RRAS: variants seen among roughly 807,000 people sequenced by gnomAD.
RRAS encodes the protein ras-related protein R-Ras.
RRAS carries 18 observed loss-of-function variants against 23.3 expected under a neutral mutation model. That is an observed-to-expected ratio of 0.77 (90% confidence interval 0.53 to 1.15). RRAS has a LOEUF of 1.15. RRAS is among the 50% of genes most tolerant of loss of function. RRAS has a pLI of 0.00. For synonymous variants in RRAS, 133 were observed against 138.3 expected (o/e 0.96, Z 0.27); for missense variants, 291 against 317.1 (o/e 0.92, Z 0.62).
At position 49,636,513 on chromosome 19, in the gene RRAS, A is replaced by G. The variant is rs2080996722; in HGVS notation, c.453+106T>C. On this transcript the variant is annotated intron_variant, in intron 4 of 5. Transcript: ENST00000246792. The surrounding 1 kb of genome is among the most constrained non-coding windows in gnomAD (Gnocchi z 4.5). ...TCTAGGTGAGCTGTGTGACAGTGGC[A>G]GTCGCAGCACTGCAGGAACAGAGGA... The G allele has an allele frequency of 1.2e-6, 1 of 837,486 alleles. No homozygotes were observed. The highest frequency in any genetic ancestry group is 1.8e-5 in the Admixed American group (1 of 55,706). 51.9% of individuals were successfully genotyped at this position (837,486 alleles called of 1,614,324 possible).
Position 49,635,498 on chromosome 19 carries a change from A to G in RRAS, c.*78T>C. On this transcript the variant is annotated 3_prime_UTR_variant, in exon 6 of 6. Coordinates refer to ENST00000246792, the MANE Select transcript of RRAS (RefSeq NM_006270.5). The stretch of plus-strand genomic sequence containing the variant: ...CAGATGAGGAAATTGAGGCTCAGTG[A>G]GGGCCTCAGGTCACACAGCAAGGTG... 1.2e-6 allele frequency: 1 copy of G among 858,392 alleles called. No individual in the cohort carries two copies. The highest frequency in any genetic ancestry group is 1.7e-6 in the Non-Finnish European group (1 of 595,556). 53.2% of individuals were successfully genotyped at this position (858,392 alleles called of 1,614,324 possible). A position where few individuals can be genotyped will look rare whatever the true frequency, so the allele number is the denominator to read the frequency against.
At position 49,635,811 on chromosome 19, in the gene RRAS, G is replaced by A. The variant is rs765681955; in HGVS notation, c.495C>T (p.His165=). ...TGGCCGAGGCCTCAAAGTAGGCCAC[G>A]TGGTGGGAGGCGCCGAAGGCAGAGG... ...SEASAFGASH[H]VAYFEASAKL... The change falls in exon 5 of 6, where the codon CAC becomes CAT. Residue 165 remains histidine (H), a synonymous_variant. Coordinates refer to ENST00000246792, the MANE Select transcript of RRAS (RefSeq NM_006270.5). 56 of 1,600,554 alleles carry A rather than the reference G, an allele frequency of 3.5e-5. 1 individual carries two copies. The South Asian group carries it at 4.0e-4, about 11-fold the overall frequency.
rs1169331754 is a variant in RRAS, at chr19:49,635,589, C to CAGGG, written c.640_643dup (p.Cys215SerfsTer95). 2.1e-6 allele frequency: 3 copies of CAGGG among 1,443,364 alleles called. No individual in the cohort carries two copies. The highest frequency in any genetic ancestry group is 2.8e-6 in the Non-Finnish European group (3 of 1,089,824). The allele number at this position is 1,443,364 out of a possible 1,614,324, so 89.4% of individuals were successfully genotyped here. A position where few individuals can be genotyped will look rare whatever the true frequency, so the allele number is the denominator to read the frequency against. On this transcript the variant is annotated frameshift_variant, in exon 6 of 6. Coordinates refer to ENST00000246792, the MANE Select transcript of RRAS (RefSeq NM_006270.5). LOFTEE classifies it high-confidence loss of function. The stretch of plus-strand genomic sequence containing the variant: ...CTCTTGCCTGGGCTACAGGAGGACG[C>CAGGG]AGGGGCAGCCCCCGCCCTTCTTCCT...
chr19:49,637,222 C>G, intron 1 of RRAS, 92 bp from the exon 2 acceptor site: 1 of 913,338 alleles, frequency 1.1e-6, no homozygotes, highest in Non-Finnish European at 1.7e-6. Context: ...CTCTGTCCCT[C>G]TCTCTCTAAA....
Position 49,635,871 on chromosome 19 carries a change from C to CAG in RRAS, c.454-20_454-19insCT. On this transcript the variant is annotated intron_variant, in intron 4 of 5. Transcript: ENST00000246792. ...GGGGGACCTGGGGGTAGGGGGGACA[C>CAG]GGGGGAGTCAGGTCCCTGCACTCAG... 6.9e-6 allele frequency: 3 copies of CAG among 431,746 alleles called. No homozygotes were observed. Among genetic ancestry groups the CAG allele is most frequent in the Non-Finnish European group, 9.1e-6 (2 of 220,842 alleles). The allele number at this position is 431,746 out of a possible 1,614,324, so 26.7% of individuals were successfully genotyped here.
intron 1 of RRAS, among the ~76,000 whole-genome samples, chr19:49,637,777 C>A (rs2081003934): frequency 6.8e-6 from 1 of 146,846 alleles, no homozygotes; most frequent in Non-Finnish European, 1.5e-5. Flanking sequence ...TCCCTGCCCC[C>A]CACCCCTCCT....
chr19:49,638,105 C>A (rs763707933), intron 1 of RRAS, among the ~76,000 whole-genome samples: 1 of 152,184 alleles, frequency 6.6e-6, no homozygotes, highest in Non-Finnish European at 1.5e-5. Context: ...CCTCCTCCCC[C>A]GTCTCCTTCT....
chr19:49,637,276 C>G (rs2081001328), intron 1 of RRAS, 146 bp from the exon 2 acceptor site: 1 of 563,306 alleles, frequency 1.8e-6, no homozygotes, highest in Non-Finnish European at 3.2e-6. Context: ...TTCTCTGGGT[C>G]TCTGTCCCGT....
In RRAS at chr19:49,635,587, C is replaced by T. The variant is rs748655822; in HGVS notation, c.646G>A (p.Val216Ile). 32 of 1,443,756 alleles carry T rather than the reference C, an allele frequency of 2.2e-5. 1 individual carries two copies. The highest frequency in any genetic ancestry group is 5.0e-5 in the East Asian group (2 of 39,894). 89.4% of individuals were successfully genotyped at this position (1,443,756 alleles called of 1,614,324 possible). ...CTCTCTTGCCTGGGCTACAGGAGGA[C>T]GCAGGGGCAGCCCCCGCCCTTCTTC... is the stretch of plus-strand genomic sequence containing the variant. ...PRKKGGGCPC[V>I]LL The change falls in exon 6 of 6, where the codon GTC (valine) becomes ATC (isoleucine). Residue 216 changes from valine (V) to isoleucine (I), a missense_variant. By Grantham distance (29) the Val-to-Ile change is conservative. Coordinates refer to ENST00000246792, the MANE Select transcript of RRAS (RefSeq NM_006270.5).
intron 1 of RRAS, among the ~76,000 whole-genome samples, chr19:49,638,238 C>A (rs1790743695): frequency 6.6e-6 from 1 of 152,142 alleles, no homozygotes; most frequent in African/African-American, 2.4e-5. Flanking sequence ...CTGCCCGCTG[C>A]CAGCCAAGCC....
rs1303921002 is a variant in RRAS, at chr19:49,636,475, TG to T, written c.453+143del. ...TGCCGGGGACCCTGAAGGTCCAGTT[TG>T]GGGGTAACCCATCTAGGTGAGCTGT... On this transcript the variant is annotated intron_variant, in intron 4 of 5. Transcript: ENST00000246792. This position sits in a 1 kb window ranked among gnomAD's most constrained non-coding sequence, Gnocchi z 4.5. The T allele has an allele frequency of 5.8e-6, 4 of 684,372 alleles. No individual in the cohort carries two copies. Among genetic ancestry groups the T allele is most frequent in the Non-Finnish European group, 7.9e-6 (3 of 380,116 alleles). 42.4% of individuals were successfully genotyped at this position (684,372 alleles called of 1,614,324 possible).
In RRAS at chr19:49,636,699, G is replaced by A. The variant is rs1314807814; in HGVS notation, c.373C>T (p.Gln125Ter). 2 of 1,614,122 alleles carry A rather than the reference G, an allele frequency of 1.2e-6. No individual in the cohort carries two copies. The highest frequency in any genetic ancestry group is 1.7e-6 in the Non-Finnish European group (2 of 1,179,980). ...SFNEVGKLFT[Q>*]ILRVKDRDDF... ...TCGCGGTCCTTGACCCGCAGAATCT[G>A]CGTGAAGAGCTTGCCCACCTCGTTG... The change falls in exon 4 of 6, where the codon CAG becomes TAG. Residue 125 changes from glutamine to a stop codon, truncating the protein, a stop_gained. Coordinates refer to ENST00000246792, the MANE Select transcript of RRAS (RefSeq NM_006270.5). LOFTEE classifies it high-confidence loss of function. The surrounding 1 kb of genome is among the most constrained non-coding windows in gnomAD (Gnocchi z 4.5).
Position 49,636,526 on chromosome 19 carries a change from C to T in RRAS, c.453+93G>A. The T allele has an allele frequency of 1.1e-6, 1 of 935,026 alleles. No homozygotes were observed. The highest frequency in any genetic ancestry group is 1.8e-6 in the Non-Finnish European group (1 of 569,400). The allele number at this position is 935,026 out of a possible 1,614,324, so 57.9% of individuals were successfully genotyped here. The stretch of plus-strand genomic sequence containing the variant: ...TGTGACAGTGGCAGTCGCAGCACTG[C>T]AGGAACAGAGGAGGATGCTGATGGG... On this transcript the variant is annotated intron_variant, in intron 4 of 5. Transcript: ENST00000246792. The surrounding 1 kb of genome is among the most constrained non-coding windows in gnomAD (Gnocchi z 4.5).
chr19:49,639,567 A>C (rs1480438549), intron 1 of RRAS, among the ~76,000 whole-genome samples: 2 of 151,894 alleles, frequency 1.3e-5, no homozygotes, highest in Admixed American at 1.3e-4. Flanking sequence ...TGGGGGAGAT[A>C]GGGCTCAGGG....
Position 49,637,278 on chromosome 19 carries a change from C to A in RRAS, c.154-148G>T, listed in dbSNP as rs117471348. ...TCTCTGCCCCCTTTTCTCTGGGTCT[C>A]TGTCCCGTCTGTCTCTCTGAGTCTT... On this transcript the variant is annotated intron_variant, in intron 1 of 5. Transcript: ENST00000246792. 4,820 of 552,066 alleles carry A rather than the reference C, an allele frequency of 8.7e-3. 55 individuals are homozygous for A. Among genetic ancestry groups the A allele is most frequent in the Middle Eastern group, 0.023 (49 of 2,134 alleles). The allele number at this position is 552,066 out of a possible 1,614,324, so 34.2% of individuals were successfully genotyped here.
In RRAS at chr19:49,635,598, C is replaced by G; in HGVS notation, c.635G>C (p.Gly212Ala). Residue 212 changes from glycine (G) to alanine (A), a missense_variant, in exon 6 of 6, where the codon GGC becomes GCC. Physicochemically the swap from Gly to Ala is moderately conservative, Grantham distance 60. Transcript: ENST00000246792. ...PPSAPRKKGG[G>A]CPCVLL ...GGGCTACAGGAGGACGCAGGGGCAG[C>G]CCCCGCCCTTCTTCCTGGGGGCACT... 1 of 1,453,106 alleles carries G rather than the reference C, an allele frequency of 6.9e-7. No homozygotes were observed. The highest frequency in any genetic ancestry group is 9.1e-7 in the Non-Finnish European group (1 of 1,094,978). 90.0% of individuals were successfully genotyped at this position (1,453,106 alleles called of 1,614,324 possible).
chr19:49,639,995 A>C lies in RRAS; in HGVS notation c.104T>G (p.Val35Gly). Residue 35 changes from valine to glycine, a missense_variant, in exon 1 of 6, where the codon GTG becomes GGG. Physicochemically the swap from Val to Gly is moderately radical, Grantham distance 109. Transcript: ENST00000246792. ...GCTCTTGCCCACGCCGCCGCCGCCC[A>C]CGACCACCAGCTTGTGTGTCTCGCT... is the stretch of plus-strand genomic sequence containing the variant. ...PPSETHKLVV[V>G]GGGGVGKSAL... 6.3e-7 allele frequency: 1 copy of C among 1,586,268 alleles called. No homozygotes were observed. Among genetic ancestry groups the C allele is most frequent in the Admixed American group, 1.7e-5 (1 of 58,640 alleles).
intron 1 of RRAS, among the ~76,000 whole-genome samples, chr19:49,638,247 C>A (rs117519816): frequency 0.013 from 1,924 of 152,224 alleles, 33 homozygotes; most frequent in East Asian, 0.068. Flanking sequence ...GCCAGCCAAG[C>A]CTTTGGCCAG....
At position 49,637,301 on chromosome 19, in the gene RRAS, CTTTTTTTTTTT is replaced by C. The variant is rs11400258; in HGVS notation, c.154-182_154-172del. On this transcript the variant is annotated intron_variant, in intron 1 of 5. Transcript: ENST00000246792. Reference sequence around the variant, plus strand: ...CTCTGTCCCGTCTGTCTCTCTGAGTCTTTTTTTTTTTTTTTTTTTTTTGAGACGGAGTTTCG... The same window carrying C: ...CTCTGTCCCGTCTGTCTCTCTGAGTCTTTTTTTTTTTGAGACGGAGTTTCG... 1.7e-4 allele frequency among the ~76,000 whole-genome samples: 18 copies of C among 104,096 alleles called. No individual in the cohort carries two copies. In the Middle Eastern group the frequency reaches 0.025, roughly 146 times the overall value. The allele number at this position is 104,096 out of a possible 152,430, so 68.3% of individuals were successfully genotyped here.
Sources: allele counts gnomAD v4.1 joint callset (sites outside exome capture counted in the v4.1 genomes callset), GRCh38; gene constraint gnomAD v4.1.1; non-coding constraint Gnocchi (gnomAD v3.1); transcripts MANE v1.5; gene names NCBI Gene and HGNC (gene_info 2026-07-23, HGNC 2026-07-21).